The following CHRM3 variants were observed in gnomAD, a reference collection of about 807,000 sequenced individuals.
CHRM3 encodes the protein cholinergic receptor muscarinic 3, also known as muscarinic acetylcholine receptor M3.
CHRM3 carries 11 observed loss-of-function variants against 41.8 expected under a neutral mutation model. That is an observed-to-expected ratio of 0.26 (90% CI 0.17 to 0.44). CHRM3 has a LOEUF of 0.44. CHRM3 is among the 20% of genes least tolerant of loss of function. CHRM3 has a pLI of 1.00. For synonymous variants in CHRM3, 297 were observed against 301.4 expected (o/e 0.99, Z 0.15); for missense variants, 571 against 745.4 (o/e 0.77, Z 2.72).
intron 5 of CHRM3, among the ~76,000 whole-genome samples, chr1:239,683,587 A>G (rs1235808263): frequency 2.6e-5 from 4 of 152,112 alleles, no homozygotes; most frequent in Non-Finnish European, 5.9e-5. Flanking sequence ...AGGTCTAAAG[A>G]TTCCTAATCG....
At chr1:239,856,775 G>A (rs577752808) in intron 6 of CHRM3, among the ~76,000 whole-genome samples, 1 of 152,232 alleles carries the variant, frequency 6.6e-6, no homozygotes, top group African/African-American at 2.4e-5. Flanking sequence ...CATGAAGGAG[G>A]TAAACAGAGA....
At chr1:239,796,717 TA>T (rs1173728052) in intron 5 of CHRM3, among the ~76,000 whole-genome samples, 1 of 152,092 alleles carries the variant, frequency 6.6e-6, no homozygotes, top group African/African-American at 2.4e-5. Context: ...AAAACAGATT[TA>T]GGGGGTACAA....
chr1:239,830,473 G>A (rs1035969762), intron 6 of CHRM3, among the ~76,000 whole-genome samples: 1 of 152,170 alleles, frequency 6.6e-6, no homozygotes, highest in African/African-American at 2.4e-5. Flanking sequence ...GGAGGCCGAG[G>A]CGGGCGGATC....
intron 1 of CHRM3, among the ~76,000 whole-genome samples, chr1:239,479,506 AT>A (rs905598508): frequency 1.3e-5 from 2 of 152,168 alleles, no homozygotes; most frequent in African/African-American, 4.8e-5. Flanking sequence ...TGGGAAAAGT[AT>A]TTTTCTCAAC....
intron 3 of CHRM3, among the ~76,000 whole-genome samples, chr1:239,549,049 G>T (rs1659556992): frequency 6.6e-6 from 1 of 152,132 alleles, no homozygotes; most frequent in South Asian, 2.1e-4. Context: ...TTACATGGAT[G>T]GCAGCAGGCA....
intron 4 of CHRM3, among the ~76,000 whole-genome samples, chr1:239,653,386 G>A (rs945094216): frequency 1.3e-5 from 2 of 152,142 alleles, no homozygotes; most frequent in African/African-American, 4.8e-5. Context: ...GACTTAGCAG[G>A]AATCTTTTTA....
At position 239,708,736 on chromosome 1, in the gene CHRM3, C is replaced by CTTTTTTTTTTTTTTTTTTTT. The variant is rs869143310; in HGVS notation, c.-147+30456_-147+30475dup. Among the ~76,000 whole-genome samples, 32 of 48,340 alleles carry CTTTTTTTTTTTTTTTTTTTT rather than the reference C, an allele frequency of 6.6e-4. 2 individuals are homozygous for CTTTTTTTTTTTTTTTTTTTT. The highest frequency in any genetic ancestry group is 2.4e-3 in the East Asian group (3 of 1,272). The allele number at this position is 48,340 out of a possible 152,430, so 31.7% of individuals were successfully genotyped here. On this transcript the variant is annotated intron_variant, in intron 5 of 6. Coordinates refer to ENST00000676153, the MANE Select transcript of CHRM3 (RefSeq NM_001375978.1). Reference sequence around the variant, plus strand: ...CTTTGTTTCTTCTGGTTTAAATTTTCTTTTTTTTTTTTTTTTTTTTTTTTT... The same window carrying CTTTTTTTTTTTTTTTTTTTT: ...CTTTGTTTCTTCTGGTTTAAATTTTCTTTTTTTTTTTTTTTTTTTTTTTTTTTTTTTTTTTTTTTTTTTTT...
intron 2 of CHRM3, among the ~76,000 whole-genome samples, chr1:239,520,694 G>A (rs757005853): frequency 3.3e-5 from 5 of 152,172 alleles, no homozygotes; most frequent in Non-Finnish European, 5.9e-5. Context: ...TAGCAGGTGT[G>A]TCATAATTTA....
chr1:239,634,547 C>CT lies in CHRM3; in HGVS notation c.-250+2272dup, dbSNP rs530235290. On this transcript the variant is annotated intron_variant, in intron 4 of 6. Transcript: ENST00000676153. The stretch of plus-strand genomic sequence containing the variant: ...ATATTAATTCTGAGCATCTTCTTTT[C>CT]TTTTTTTTTTTGAAATAAAAGTTTA... Among the ~76,000 whole-genome samples, 502 of 144,478 alleles carry CT rather than the reference C, an allele frequency of 3.5e-3. 1 individual carries two copies. Among genetic ancestry groups the CT allele is most frequent in the South Asian group, 9.3e-3 (42 of 4,526 alleles). The allele number at this position is 144,478 out of a possible 152,430, so 94.8% of individuals were successfully genotyped here.
chr1:239,594,252 A>G (rs1412882422), intron 3 of CHRM3, among the ~76,000 whole-genome samples: 3 of 152,262 alleles, frequency 2.0e-5, no homozygotes, highest in Admixed American at 2.0e-4. Flanking sequence ...CGATTGTACT[A>G]CTTGGCAGTT....
chr1:239,640,020 A>G (rs1486799496), intron 4 of CHRM3, among the ~76,000 whole-genome samples: 1 of 152,034 alleles, frequency 6.6e-6, no homozygotes, highest in East Asian at 1.9e-4. Context: ...TATTGAGATA[A>G]TCATGTGGTT....
chr1:239,704,693 C>G (rs1408476629), intron 5 of CHRM3: 1 of 152,036 alleles, frequency 6.6e-6, no homozygotes, highest in African/African-American at 2.4e-5. Context: ...TATTTATTGC[C>G]AGAAGATAAG....
At chr1:239,797,846 G>A (rs1669913367) in intron 5 of CHRM3, among the ~76,000 whole-genome samples, 1 of 152,052 alleles carries the variant, frequency 6.6e-6, no homozygotes, top group Non-Finnish European at 1.5e-5. Flanking sequence ...CCGGGAGTTA[G>A]AGGTCAGCGT....
intron 6 of CHRM3, among the ~76,000 whole-genome samples, chr1:239,835,250 T>C (rs1673216395): frequency 6.6e-6 from 1 of 152,192 alleles, no homozygotes; most frequent in Non-Finnish European, 1.5e-5. Context: ...GCCAGCATGA[T>C]TTTATACCTT....
intron 4 of CHRM3, among the ~76,000 whole-genome samples, chr1:239,641,745 G>C (rs1309599300): frequency 7.6e-6 from 1 of 132,184 alleles, no homozygotes; most frequent in Non-Finnish European, 1.6e-5. Flanking sequence ...TCTTTTAATT[G>C]GAGCATTTAG....
At chr1:239,477,871 A>G (rs111751032) in intron 1 of CHRM3, among the ~76,000 whole-genome samples, 184 of 152,314 alleles carry the variant, frequency 1.2e-3, no homozygotes, top group African/African-American at 4.2e-3. Flanking sequence ...GTTACCAAAT[A>G]CAAGTAGTAA....
chr1:239,676,178 T>G (rs536424639), intron 4 of CHRM3, among the ~76,000 whole-genome samples: 5 of 152,216 alleles, frequency 3.3e-5, no homozygotes, highest in Non-Finnish European at 5.9e-5. Flanking sequence ...CCAGCAAAGT[T>G]ACTAAAGTAC....
intron 5 of CHRM3, among the ~76,000 whole-genome samples, chr1:239,820,416 G>A (rs186579986): frequency 1.3e-5 from 2 of 152,282 alleles, no homozygotes; most frequent in East Asian, 1.9e-4. Flanking sequence ...AGTCTATCCC[G>A]ATATGTTGGC....
chr1:239,689,451 A>G (rs527851984), intron 5 of CHRM3, among the ~76,000 whole-genome samples: 86 of 152,310 alleles, frequency 5.6e-4, no homozygotes, highest in African/African-American at 2.0e-3. Context: ...AAATTTCTCT[A>G]AAGTATTTTT....
Sources: gnomAD v4.1 joint callset for allele counts (sites outside exome capture counted in the v4.1 genomes callset) on GRCh38, gnomAD v4.1.1 for gene constraint, MANE v1.5 for transcripts, NCBI Gene and HGNC (gene_info 2026-07-23, HGNC 2026-07-21) for gene names.